Variants in HDAC9 observed in about 807,000 individuals in gnomAD.
The protein encoded by HDAC9 is histone deacetylase 9, also known as MEF-2 interacting transcription repressor (MITR) protein.
A neutral mutation model predicts 139.4 loss-of-function variants in HDAC9; 41 were observed. The ratio of observed to expected loss-of-function variants is 0.29; its 90% confidence interval spans 0.23 to 0.38. The LOEUF (loss-of-function observed/expected upper bound fraction) is 0.38. HDAC9 is among the 10% of genes least tolerant of loss of function. HDAC9 has a pLI of 1.00. For synonymous variants in HDAC9, 517 were observed against 476.2 expected, an observed-to-expected ratio of 1.09 and a Z score of -1.12; for missense variants, 1,147 against 1,297.0, an observed-to-expected ratio of 0.88 and a Z score of 1.78.
intron 1 of HDAC9, among the ~76,000 whole-genome samples, chr7:18,431,572 A>G (rs944427208): frequency 6.6e-6 from 1 of 152,194 alleles, no homozygotes; most frequent in African/African-American, 2.4e-5. Context: ...ATAGCCAAAT[A>G]AGATAGCTGT....
At chr7:18,599,429 A>G (rs1386045587) in intron 6 of HDAC9, among the ~76,000 whole-genome samples, 1 of 152,166 alleles carries the variant, frequency 6.6e-6, no homozygotes, top group East Asian at 1.9e-4. Flanking sequence ...GAATAGTTTT[A>G]CCACCCTAAA....
chr7:18,188,435 A>G (rs1003766722), intron 2 of HDAC9, among the ~76,000 whole-genome samples: 1 of 152,224 alleles, frequency 6.6e-6, no homozygotes, highest in Admixed American at 6.5e-5. Flanking sequence ...GGACGTAGGC[A>G]TGAGCAAAGA....
chr7:18,405,342 A>G (rs1021939995), intron 1 of HDAC9, among the ~76,000 whole-genome samples: 2 of 152,166 alleles, frequency 1.3e-5, no homozygotes, highest in Non-Finnish European at 2.9e-5. Flanking sequence ...ATTTTTTGCC[A>G]TATTTAATTC....
intron 22 of HDAC9, among the ~76,000 whole-genome samples, chr7:18,878,878 T>C (rs1319855781): frequency 1.3e-5 from 2 of 152,174 alleles, no homozygotes; most frequent in Non-Finnish European, 2.9e-5. Context: ...ACTCCCTGTT[T>C]GCAGACAACA....
chr7:18,273,059 T>C (rs1796485130), intron 2 of HDAC9, among the ~76,000 whole-genome samples: 1 of 35,578 alleles, frequency 2.8e-5, no homozygotes, highest in Non-Finnish European at 7.3e-5. Context: ...CTTCTTCGTT[T>C]TTTTTTTTTT....
At chr7:18,627,753 CT>C (rs1175474604) in intron 6 of HDAC9, among the ~76,000 whole-genome samples, 1 of 152,036 alleles carries the variant, frequency 6.6e-6, no homozygotes, top group African/African-American at 2.4e-5. Context: ...GTGCTCACCC[CT>C]GATCTCTGCC....
chr7:18,423,949 T>C (rs1562972192), intron 1 of HDAC9, among the ~76,000 whole-genome samples: 2 of 152,214 alleles, frequency 1.3e-5, no homozygotes, highest in Non-Finnish European at 2.9e-5. Flanking sequence ...GCTGCCATAT[T>C]TGGAGACTCT....
intron 24 of HDAC9, among the ~76,000 whole-genome samples, chr7:18,968,760 C>G (rs1351943480): frequency 6.6e-6 from 1 of 151,930 alleles, no homozygotes; most frequent in Non-Finnish European, 1.5e-5. Flanking sequence ...GAGATCGAGA[C>G]CATCCTGGCT....
rs748885495 is a variant in HDAC9, at chr7:18,931,668, T to G, written c.2804-4141T>G. Among the ~76,000 whole-genome samples the G allele has an allele frequency of 2.6e-5, 4 of 152,178 alleles. No individual in the cohort carries two copies. The South Asian group carries it at 6.2e-4, about 24-fold the overall frequency. On this transcript the variant is annotated intron_variant, in intron 22 of 25. Coordinates refer to ENST00000686413, the MANE Select transcript of HDAC9 (RefSeq NM_178425.4). ...TATTTTAATGCATTACCGGGATTAA[T>G]GTATTATTTTATTGTTCAAAATAGA...
At chr7:18,537,751 T>C (rs1393956436) in intron 2 of HDAC9, among the ~76,000 whole-genome samples, 1 of 152,202 alleles carries the variant, frequency 6.6e-6, no homozygotes, top group African/African-American at 2.4e-5. Context: ...CCAAAAGTTA[T>C]GCGGGAGAAT....
intron 21 of HDAC9, among the ~76,000 whole-genome samples, chr7:18,870,020 G>C (rs1350391523): frequency 6.6e-6 from 1 of 151,680 alleles, no homozygotes; most frequent in East Asian, 1.9e-4. Context: ...ATACTTGTTA[G>C]CATTTTATTT....
intron 21 of HDAC9, among the ~76,000 whole-genome samples, chr7:18,842,969 A>G (rs1289680592): frequency 3.3e-5 from 5 of 152,124 alleles, no homozygotes; most frequent in South Asian, 2.1e-4. Flanking sequence ...GTGAAGAGCT[A>G]TTTAAAGTAG....
intron 16 of HDAC9, among the ~76,000 whole-genome samples, chr7:18,771,131 TG>T (rs1005044717): frequency 6.6e-6 from 1 of 152,118 alleles, no homozygotes; most frequent in African/African-American, 2.4e-5. Flanking sequence ...CGGGCAGAAC[TG>T]GGACCTGACT....
At chr7:18,517,172 A>G (rs776562379) in intron 2 of HDAC9, among the ~76,000 whole-genome samples, 6 of 152,194 alleles carry the variant, frequency 3.9e-5, no homozygotes, top group African/African-American at 1.2e-4. Flanking sequence ...AGACAAACAT[A>G]TTCAGAAAGG....
In HDAC9 at chr7:19,000,852, A is replaced by G. The variant is rs1253271586; in HGVS notation, c.*4790A>G. 1 of 152,214 alleles carries G rather than the reference A, an allele frequency of 6.6e-6. No individual in the cohort carries two copies. Among genetic ancestry groups the G allele is most frequent in the Non-Finnish European group, 1.5e-5 (1 of 68,018 alleles). 9.4% of individuals were successfully genotyped at this position (152,214 alleles called of 1,614,324 possible). ...TATCTAAGCAATCAAAAGTTTCTGA[A>G]ATCTCTGTTTCCTTAGTAGAAATGA... On this transcript the variant is annotated 3_prime_UTR_variant, in exon 26 of 26. Coordinates refer to ENST00000686413, the MANE Select transcript of HDAC9 (RefSeq NM_178425.4).
At chr7:18,449,373 G>A (rs1010181818) in intron 1 of HDAC9, among the ~76,000 whole-genome samples, 2 of 152,100 alleles carry the variant, frequency 1.3e-5, no homozygotes, top group African/African-American at 4.8e-5. Flanking sequence ...AAACACAAGA[G>A]TGCCTACTAT....
chr7:18,533,286 AT>A (rs1809675702), intron 2 of HDAC9, among the ~76,000 whole-genome samples: 1 of 152,152 alleles, frequency 6.6e-6, no homozygotes, highest in African/African-American at 2.4e-5. Flanking sequence ...TTGGGAACTA[AT>A]TGCTTTAGGC....
intron 2 of HDAC9, among the ~76,000 whole-genome samples, chr7:18,511,198 A>G (rs1801397707): frequency 6.6e-6 from 1 of 152,196 alleles, no homozygotes; most frequent in South Asian, 2.1e-4. Context: ...AGCTTAACCT[A>G]ACTTTTATAT....
intron 6 of HDAC9, among the ~76,000 whole-genome samples, chr7:18,621,024 C>G (rs1562611479): frequency 6.6e-6 from 1 of 152,104 alleles, no homozygotes. Context: ...CCAACATTGT[C>G]TTATTCTTAA....
Sources: allele counts gnomAD v4.1 joint callset (sites outside exome capture counted in the v4.1 genomes callset), GRCh38; gene constraint gnomAD v4.1.1; transcripts MANE v1.5; gene names NCBI Gene and HGNC (gene_info 2026-07-23, HGNC 2026-07-21).